The following CAB39L variants were observed in gnomAD, a reference collection of about 807,000 sequenced individuals.
The protein encoded by CAB39L is calcium-binding protein 39-like.
Under a neutral mutation model 39.1 loss-of-function variants are expected in CAB39L, and 23 were observed. The ratio of observed to expected loss-of-function variants is 0.59; its 90% CI spans 0.42 to 0.83. The LOEUF is 0.83. Ranked by LOEUF, CAB39L falls within the 40% of genes least tolerant of loss-of-function variation. CAB39L has a pLI of 0.00. For missense variants in CAB39L, 366 were observed against 391.9 expected (o/e 0.93, Z 0.56); for synonymous variants, 126 against 137.2 (o/e 0.92, Z 0.57).
At chr13:49,347,620 G>A (rs1593959458) in intron 7 of CAB39L, among the ~76,000 whole-genome samples, 1 of 152,126 alleles carries the variant, frequency 6.6e-6, no homozygotes, top group South Asian at 2.1e-4. Context: ...AGAAAGAAAT[G>A]GAATCATCCT....
intron 8 of CAB39L, 102 bp from the exon 9 acceptor site, chr13:49,339,844 C>T: frequency 1.6e-6 from 2 of 1,259,864 alleles, no homozygotes; most frequent in African/African-American, 1.5e-5. Flanking sequence ...CAACTTCTGG[C>T]CATTTTACCA....
intron 10 of CAB39L, among the ~76,000 whole-genome samples, chr13:49,325,907 C>T (rs770373285): frequency 1.3e-5 from 2 of 152,194 alleles, no homozygotes; most frequent in East Asian, 1.9e-4. Context: ...TAAGACCACA[C>T]GGAAACTATT....
intron 8 of CAB39L, among the ~76,000 whole-genome samples, chr13:49,343,568 CAGAG>C (rs558574082): frequency 1.1e-4 from 17 of 148,710 alleles, no homozygotes; most frequent in African/African-American, 3.7e-4. Context: ...AAGAGGGAGC[CAGAG>C]AGAGAGAGAA....
At chr13:49,426,078 T>C (rs1425660552) in intron 3 of CAB39L, among the ~76,000 whole-genome samples, 1 of 152,186 alleles carries the variant, frequency 6.6e-6, no homozygotes, top group Non-Finnish European at 1.5e-5. Context: ...CTGGGGTTCT[T>C]TGCATTAAAC....
chr13:49,333,105 T>C (rs1954756543), intron 9 of CAB39L, among the ~76,000 whole-genome samples: 1 of 152,088 alleles, frequency 6.6e-6, no homozygotes, highest in Non-Finnish European at 1.5e-5. Flanking sequence ...CTTTTGTGTA[T>C]TTAACATGAA....
chr13:49,317,147 A>C (rs1426051654), intron 10 of CAB39L, among the ~76,000 whole-genome samples: 1 of 152,230 alleles, frequency 6.6e-6, no homozygotes. Flanking sequence ...AGTGTACCGC[A>C]TTAGCAGAAT....
chr13:49,325,480 T>C (rs1269191529), intron 10 of CAB39L, among the ~76,000 whole-genome samples: 2 of 152,150 alleles, frequency 1.3e-5, no homozygotes, highest in African/African-American at 4.8e-5. Flanking sequence ...ACCATAGTAG[T>C]TTGGTGTGCT....
At chr13:49,408,376 A>T (rs9526558) in intron 3 of CAB39L, among the ~76,000 whole-genome samples, 1 of 152,092 alleles carries the variant, frequency 6.6e-6, no homozygotes, top group Non-Finnish European at 1.5e-5. Context: ...AGGCTTCTGG[A>T]TATAAATGCC....
chr13:49,324,511 A>C (rs1437906945), intron 10 of CAB39L, among the ~76,000 whole-genome samples: 2 of 152,214 alleles, frequency 1.3e-5, no homozygotes, highest in Non-Finnish European at 2.9e-5. Context: ...TACGAAATAC[A>C]AAGGTCTGGC....
At chr13:49,346,079 T>TATATATATATATATGCTAG (rs1566079181) in intron 7 of CAB39L, among the ~76,000 whole-genome samples, 92 of 121,300 alleles carry the variant, frequency 7.6e-4, no homozygotes, top group African/African-American at 2.6e-3. Flanking sequence ...ATGCTAGATA[T>TATATATATATATATGCTAG]ATATATATAT....
intron 3 of CAB39L, among the ~76,000 whole-genome samples, chr13:49,415,805 A>T (rs1026470313): frequency 1.3e-5 from 2 of 152,180 alleles, no homozygotes; most frequent in African/African-American, 4.8e-5. Flanking sequence ...TGTACACGGT[A>T]GGCACTCAAC....
intron 4 of CAB39L, among the ~76,000 whole-genome samples, chr13:49,378,331 A>C (rs1321719477): frequency 3.8e-5 from 2 of 52,790 alleles, no homozygotes; most frequent in East Asian, 3.9e-4. Context: ...AGCCCCCCCG[A>C]CCGGCCAGCC....
chr13:49,331,922 T>C, intron 10 of CAB39L, 25 bp downstream of exon 10: 2 of 1,610,904 alleles, frequency 1.2e-6, no homozygotes, highest in Non-Finnish European at 1.7e-6. Context: ...CCTACAACAT[T>C]GTTTCCAGAG....
intron 4 of CAB39L, 105 bp downstream of exon 4, chr13:49,382,695 T>C: frequency 2.8e-6 from 2 of 710,336 alleles, no homozygotes; most frequent in Non-Finnish European, 5.0e-6. Context: ...AGGGTCTATG[T>C]GCACATCACA....
intron 10 of CAB39L, among the ~76,000 whole-genome samples, chr13:49,331,006 G>T (rs556846536): frequency 6.6e-6 from 1 of 152,270 alleles, no homozygotes; most frequent in African/African-American, 2.4e-5. Context: ...ATAGCATTAA[G>T]TAATAAAATT....
At chr13:49,344,112 T>C (rs1221322359) in intron 8 of CAB39L, 67 bp downstream of exon 8, 5 of 916,368 alleles carry the variant, frequency 5.5e-6, no homozygotes, top group Non-Finnish European at 9.0e-6. Context: ...ACAGGGGCAA[T>C]TGCTCATAGA....
chr13:49,416,532 CAAG>C (rs1957087097), intron 3 of CAB39L, among the ~76,000 whole-genome samples: 1 of 152,158 alleles, frequency 6.6e-6, no homozygotes, highest in African/African-American at 2.4e-5. Context: ...ACAATGCTGA[CAAG>C]GAGACAGTGC....
At position 49,309,870 on chromosome 13, in the gene CAB39L, T is replaced by C; in HGVS notation, c.*944A>G. On this transcript the variant is annotated 3_prime_UTR_variant, in exon 11 of 11. Transcript: ENST00000409308. ...ACACATGAATCATTTCTCCTTCCAA[T>C]GGTTATTGATACTGATAGAAGTTCC... 6.6e-6 allele frequency: 1 copy of C among 152,210 alleles called. No individual in the cohort carries two copies. 9.4% of individuals were successfully genotyped at this position (152,210 alleles called of 1,614,324 possible). A position where few individuals can be genotyped will look rare whatever the true frequency, so the allele number is the denominator to read the frequency against.
intron 5 of CAB39L, among the ~76,000 whole-genome samples, chr13:49,364,488 G>A (rs1187502827): frequency 6.6e-6 from 1 of 152,158 alleles, no homozygotes; most frequent in Non-Finnish European, 1.5e-5. Context: ...AATTGGTAGG[G>A]AAGAAGTCAA....
Sources: allele counts gnomAD v4.1 joint callset (sites outside exome capture counted in the v4.1 genomes callset), GRCh38; gene constraint gnomAD v4.1.1; transcripts MANE v1.5; gene names NCBI Gene and HGNC (gene_info 2026-07-23, HGNC 2026-07-21).